CD3E: variants seen among roughly 807,000 people sequenced by gnomAD.
CD3E encodes T-cell surface glycoprotein CD3 epsilon chain.
Under a neutral mutation model 34.7 loss-of-function variants are expected in CD3E, and 16 were observed. The ratio of observed to expected loss-of-function variants is 0.46; its 90% CI spans 0.31 to 0.70. CD3E has a LOEUF of 0.70. CD3E is among the 30% of genes least tolerant of loss of function. The pLI is 0.05. For missense variants in CD3E, 223 were observed against 253.9 expected (o/e 0.88, Z 0.83); for synonymous variants, 70 against 90.8 (o/e 0.77, Z 1.30).
chr11:118,314,360 A>G, intron 7 of CD3E, 88 bp from the exon 8 acceptor site: 2 of 1,100,194 alleles, frequency 1.8e-6, no homozygotes, highest in African/African-American at 1.5e-5. Context: ...GGGGTTTGCC[A>G]TTCTCTATCT....
At chr11:118,310,305 G>A (rs758926838) in intron 4 of CD3E, among the ~76,000 whole-genome samples, 8 of 152,130 alleles carry the variant, frequency 5.3e-5, no homozygotes, top group African/African-American at 1.9e-4. Context: ...AGGTCCCAGT[G>A]TGTGTCATTT....
rs550465186 is a variant in CD3E, at chr11:118,307,456, A to C, written c.70+148A>C. 5 of 684,610 alleles carry C rather than the reference A, an allele frequency of 7.3e-6. No homozygotes were observed. In the East Asian group the frequency reaches 1.3e-4, roughly 18 times the overall value. 42.4% of individuals were successfully genotyped at this position (684,610 alleles called of 1,614,324 possible). On this transcript the variant is annotated intron_variant, in intron 3 of 8. Transcript: ENST00000361763. ...GCCATCTACCCCTTTGACTTTCCTC[A>C]CAAGTCTGGAGATATTTCTAGCCCA...
intron 5 of CD3E, 101 bp downstream of exon 5, chr11:118,312,271 T>C (rs758824766): frequency 1.9e-6 from 2 of 1,067,982 alleles, no homozygotes; most frequent in Non-Finnish European, 2.9e-6. Flanking sequence ...AGAACTGATA[T>C]CTTCCCAGCA....
intron 6 of CD3E, 49 bp from the exon 7 acceptor site, chr11:118,313,658 T>C: frequency 6.3e-7 from 1 of 1,585,310 alleles, no homozygotes; most frequent in Non-Finnish European, 8.7e-7. Context: ...CAGCGCCTTG[T>C]GTTTTCCTTG....
Position 118,312,199 on chromosome 11 carries a change from C to A in CD3E, c.103+29C>A, listed in dbSNP as rs778170251. 5 of 1,597,786 alleles carry A rather than the reference C, an allele frequency of 3.1e-6. No homozygotes were observed. In the East Asian group the frequency reaches 6.7e-5, roughly 21 times the overall value. On this transcript the variant is annotated intron_variant, in intron 5 of 8. Coordinates refer to ENST00000361763, the MANE Select transcript of CD3E (RefSeq NM_000733.4). The stretch of plus-strand genomic sequence containing the variant: ...AGTTTATTGGTCTTTTATTTATGCC[C>A]TGTCTGAGGATGCAGATTGGTGGGT...
intron 8 of CD3E, among the ~76,000 whole-genome samples, chr11:118,314,741 CTTA>C (rs1261823812): frequency 1.3e-5 from 2 of 152,134 alleles, no homozygotes; most frequent in Admixed American, 6.5e-5. Context: ...CTTTCTCTGG[CTTA>C]TTCATTGACT....
Position 118,313,751 on chromosome 11 carries a change from A to T in CD3E, c.397A>T (p.Ile133Phe). 6.2e-7 allele frequency: 1 copy of T among 1,614,026 alleles called. No individual in the cohort carries two copies. Among genetic ancestry groups the T allele is most frequent in the Non-Finnish European group, 8.5e-7 (1 of 1,179,978 alleles). The change falls in exon 7 of 9, where the codon ATT becomes TTT. Residue 133 changes from isoleucine to phenylalanine, a missense_variant. Physicochemically the swap from Ile to Phe is conservative, Grantham distance 21 (BLOSUM62 0). Transcript: ENST00000361763. ...MEMDVMSVAT[I>F]VIVDICITGG... ...GATGGATGTGATGTCGGTGGCCACAATTGTCATAGTGGACATCTGCATCAC... is the reference window on the plus strand; with the variant it reads ...GATGGATGTGATGTCGGTGGCCACATTTGTCATAGTGGACATCTGCATCAC...
rs187341356 is a variant in CD3E at position 118,315,838 on chromosome 11, T to C, written c.*296T>C. On this transcript the variant is annotated 3_prime_UTR_variant, in exon 9 of 9. Transcript: ENST00000361763. Reference sequence around the variant, plus strand: ...TTTGTGCTATTCACTCCCTTCCCTTTGGATGTAACTTCTCCGTTCAGTTCC... The same window carrying C: ...TTTGTGCTATTCACTCCCTTCCCTTCGGATGTAACTTCTCCGTTCAGTTCC... The C allele has an allele frequency of 1.9e-6, 1 of 538,234 alleles. No individual in the cohort carries two copies. The highest frequency in any genetic ancestry group is 3.3e-6 in the Non-Finnish European group (1 of 299,496). The allele number at this position is 538,234 out of a possible 1,614,324, so 33.3% of individuals were successfully genotyped here. A position where few individuals can be genotyped will look rare whatever the true frequency, so the allele number is the denominator to read the frequency against.
At chr11:118,306,606 A>G (rs1948108278) in intron 2 of CD3E, among the ~76,000 whole-genome samples, 1 of 152,126 alleles carries the variant, frequency 6.6e-6, no homozygotes, top group South Asian at 2.1e-4. Flanking sequence ...GGGGATAGGA[A>G]AGTGGGGATC....
chr11:118,315,682 G>A lies in CD3E; in HGVS notation c.*140G>A. Reference sequence around the variant, plus strand: ...ATGGTGAACTCGCGCCCTCCAGCCTGATCCCCCGCTCCCTCCTCCCTGCCT... The same window carrying A: ...ATGGTGAACTCGCGCCCTCCAGCCTAATCCCCCGCTCCCTCCTCCCTGCCT... On this transcript the variant is annotated 3_prime_UTR_variant, in exon 9 of 9. Transcript: ENST00000361763. 1.4e-6 allele frequency: 1 copy of A among 738,148 alleles called. No individual in the cohort carries two copies. The allele number at this position is 738,148 out of a possible 1,614,324, so 45.7% of individuals were successfully genotyped here. A position where few individuals can be genotyped will look rare whatever the true frequency, so the allele number is the denominator to read the frequency against.
rs200914625 is a variant in CD3E at position 118,314,406 on chromosome 11, T to C, written c.521-42T>C. On this transcript the variant is annotated intron_variant, in intron 7 of 8. Transcript: ENST00000361763. ...GGCACAGACAGTGCTGCAAGATTGG[T>C]TCCCTCATGGGAATGAAATGTTTCC... The C allele has an allele frequency of 1.2e-5, 19 of 1,579,958 alleles. No individual in the cohort carries two copies. In the African/African-American group the frequency reaches 1.5e-4, roughly 12 times the overall value.
intron 4 of CD3E, among the ~76,000 whole-genome samples, chr11:118,310,076 C>T (rs1337883773): frequency 1.3e-5 from 2 of 152,178 alleles, no homozygotes; most frequent in African/African-American, 4.8e-5. Context: ...TTATGAAATA[C>T]TGTTTCTGGA....
In CD3E at chr11:118,308,429, A is replaced by G. The variant is rs201867379; in HGVS notation, c.73A>G (p.Asn25Asp). The G allele has an allele frequency of 6.3e-6, 10 of 1,592,258 alleles. No homozygotes were observed. The highest frequency in any genetic ancestry group is 8.6e-6 in the Non-Finnish European group (10 of 1,162,652). The change falls in exon 4 of 9, where the codon AAT becomes GAT. Residue 25 changes from asparagine (N) to aspartate (D), a missense_variant and splice_region_variant. Physicochemically the swap from Asn to Asp is conservative, Grantham distance 23. Coordinates refer to ENST00000361763, the MANE Select transcript of CD3E (RefSeq NM_000733.4). ...LSVGVWGQDG[N>D]EEMGGITQTP... ...GCTTCTTACTGTTTCCTTTTCAGGT[A>G]ATGAAGAAATGGGTAAGAAGATTTC...
At chr11:118,304,846 T>C (rs1948097069) in intron 1 of CD3E, 48 bp from the exon 2 acceptor site, 8 of 936,936 alleles carry the variant, frequency 8.5e-6, no homozygotes, top group Middle Eastern at 2.2e-4. Flanking sequence ...AGGGTCCTTA[T>C]CTCTAGCAGA....
chr11:118,314,634 C>T, intron 8 of CD3E, 140 bp downstream of exon 8: 1 of 732,172 alleles, frequency 1.4e-6, no homozygotes. Context: ...CCTCTATGTG[C>T]CACCTCTGCG....
At chr11:118,313,137 G>T (rs150972895) in intron 6 of CD3E, 43 of 492,292 alleles carry the variant, frequency 8.7e-5, no homozygotes, top group Middle Eastern at 5.8e-4. Context: ...CATTTGCACC[G>T]CATCACACCC....
At position 118,315,495 on chromosome 11, in the gene CD3E, A is replaced by G. The variant is rs199760495; in HGVS notation, c.577A>G (p.Lys193Glu). The stretch of plus-strand genomic sequence containing the variant: ...TCTATTTCACCCCCAGCCCATCCGG[A>G]AAGGCCAGCGGGACCTGTATTCTGG... ...VPNPDYEPIR[K>E]GQRDLYSGLN... The change falls in exon 9 of 9, where the codon AAA (lysine) becomes GAA (glutamate). Residue 193 changes from lysine to glutamate, a missense_variant. Transcript: ENST00000361763. The G allele has an allele frequency of 5.6e-6, 9 of 1,613,316 alleles. No individual in the cohort carries two copies. The highest frequency in any genetic ancestry group is 7.6e-6 in the Non-Finnish European group (9 of 1,179,760).
In CD3E at chr11:118,313,703, A is replaced by C. The variant is rs760176475; in HGVS notation, c.353-4A>C. On this transcript the variant is annotated splice_region_variant and splice_polypyrimidine_tract_variant and intron_variant, in intron 6 of 8. Coordinates refer to ENST00000361763, the MANE Select transcript of CD3E (RefSeq NM_000733.4). ...TTCCCCTCTCCCCACCCCACCCCCCACAGTGTGTGAGAACTGCATGGAGAT... is the reference window on the plus strand; with the variant it reads ...TTCCCCTCTCCCCACCCCACCCCCCCCAGTGTGTGAGAACTGCATGGAGAT... 5 of 1,610,320 alleles carry C rather than the reference A, an allele frequency of 3.1e-6. No homozygotes were observed. Among genetic ancestry groups the C allele is most frequent in the African/African-American group, 1.3e-5 (1 of 74,424 alleles).
intron 2 of CD3E, among the ~76,000 whole-genome samples, chr11:118,305,738 A>C (rs894902496): frequency 1.3e-5 from 2 of 152,256 alleles, no homozygotes; most frequent in Non-Finnish European, 2.9e-5. Flanking sequence ...ATTGATACTC[A>C]AAAAAGTTAA....
Sources: allele counts gnomAD v4.1 joint callset (sites outside exome capture counted in the v4.1 genomes callset), GRCh38; gene constraint gnomAD v4.1.1; transcripts MANE v1.5; gene names NCBI Gene and HGNC (gene_info 2026-07-23, HGNC 2026-07-21).